The following SYNRG variants were observed in gnomAD, a reference collection of about 807,000 sequenced individuals.
The protein encoded by SYNRG is AP1 gamma subunit binding protein 1.
In SYNRG, 37 loss-of-function variants were observed where a neutral mutation model predicts 130.9. The ratio of observed to expected loss-of-function variants is 0.28; its 90% CI spans 0.22 to 0.37. The LOEUF is 0.37. SYNRG is among the 10% of genes least tolerant of loss of function. The pLI is 1.00. For synonymous variants in SYNRG, 539 were observed against 568.1 expected, an observed-to-expected ratio of 0.95 and a Z score of 0.73; for missense variants, 1,338 against 1,588.9, an observed-to-expected ratio of 0.84 and a Z score of 2.68.
chr17:37,560,677 T>G (rs1449038314), intron 13 of SYNRG, among the ~76,000 whole-genome samples: 1 of 150,882 alleles, frequency 6.6e-6, no homozygotes, highest in Non-Finnish European at 1.5e-5. Flanking sequence ...CTATTTTTTT[T>G]TTTTTTTTGA....
intron 2 of SYNRG, among the ~76,000 whole-genome samples, chr17:37,598,278 C>G (rs757741137): frequency 3.9e-5 from 6 of 152,098 alleles, no homozygotes; most frequent in Non-Finnish European, 7.4e-5. Flanking sequence ...AAAGTTTTAC[C>G]AACAGGGTAG....
chr17:37,533,926 C>CTTTTTTTTTTTTTTTTTTTTTTT (rs765621244), intron 19 of SYNRG, among the ~76,000 whole-genome samples: 1 of 57,790 alleles, frequency 1.7e-5, no homozygotes, highest in Non-Finnish European at 3.2e-5. Flanking sequence ...ATTTTCTTTT[C>CTTTTTTTTTTTTTTTTTTTTTTT]TTTTTTTTTT....
intron 3 of SYNRG, among the ~76,000 whole-genome samples, chr17:37,594,281 TTAATTA>T: frequency 6.8e-6 from 1 of 147,024 alleles, no homozygotes; most frequent in East Asian, 2.0e-4. Context: ...AATATTAATT[TTAATTA>T]TATTAATTAC....
chr17:37,547,438 G>A lies in SYNRG; in HGVS notation c.2609-4873C>T, dbSNP rs2058367477. Reference sequence around the variant, plus strand: ...TAGCACAGGTTTTTTGATATTGCCAGTGTTCCCTTCATGTTCATTTGCTGC... The same window carrying A: ...TAGCACAGGTTTTTTGATATTGCCAATGTTCCCTTCATGTTCATTTGCTGC... On this transcript the variant is annotated intron_variant, in intron 14 of 21. Coordinates refer to ENST00000612223, the MANE Select transcript of SYNRG (RefSeq NM_007247.6). Among the ~76,000 whole-genome samples, 3 of 151,196 alleles carry A rather than the reference G, an allele frequency of 2.0e-5. No individual in the cohort carries two copies. The South Asian group carries it at 6.3e-4, about 31-fold the overall frequency.
In SYNRG at chr17:37,553,997, C is replaced by T. The variant is rs1332268167; in HGVS notation, c.1726G>A (p.Ala576Thr). 1 of 1,608,552 alleles carries T rather than the reference C, an allele frequency of 6.2e-7. No individual in the cohort carries two copies. Among genetic ancestry groups the T allele is most frequent in the Non-Finnish European group, 8.5e-7 (1 of 1,178,868 alleles). ...GGCTCTAGTGGTGATACACTATCGG[C>T]TGTTTTAAAATCGGTGAAACCATCA... is the stretch of plus-strand genomic sequence containing the variant. ...TDDGFTDFKT[A>T]DSVSPLEPPT... The change falls in exon 14 of 22, where the codon GCC becomes ACC. Residue 576 changes from alanine to threonine, a missense_variant. Coordinates refer to ENST00000612223, the MANE Select transcript of SYNRG (RefSeq NM_007247.6).
chr17:37,527,389 C>A (rs2056067936), intron 19 of SYNRG, among the ~76,000 whole-genome samples: 1 of 152,282 alleles, frequency 6.6e-6, no homozygotes, highest in South Asian at 2.1e-4. Flanking sequence ...GTGAGTTTCA[C>A]CTCTTGAGAA....
At chr17:37,601,555 G>A (rs554043314) in intron 1 of SYNRG, among the ~76,000 whole-genome samples, 129 of 152,166 alleles carry the variant, frequency 8.5e-4, no homozygotes, top group Non-Finnish European at 1.4e-3. Context: ...TCCATTTCCA[G>A]AACCTTTCCA....
At chr17:37,525,254 C>A (rs1041467752) in intron 19 of SYNRG, among the ~76,000 whole-genome samples, 1 of 152,100 alleles carries the variant, frequency 6.6e-6, no homozygotes, top group African/African-American at 2.4e-5. Flanking sequence ...GTATTTCATG[C>A]ATTTAGTTAA....
chr17:37,571,914 C>G lies in SYNRG; in HGVS notation c.975G>C (p.Leu325=). The G allele has an allele frequency of 6.2e-7, 1 of 1,614,168 alleles. No homozygotes were observed. Among genetic ancestry groups the G allele is most frequent in the Non-Finnish European group, 8.5e-7 (1 of 1,180,026 alleles). ...GIDTAKLYPI[L]MSSGLPRETL... Reference sequence around the variant, plus strand: ...TTTCCCTGGGAAGCCCAGATGACATCAGAATGGGATACAGTTTGGCAGTAT... The same window carrying G: ...TTTCCCTGGGAAGCCCAGATGACATGAGAATGGGATACAGTTTGGCAGTAT... Residue 325 remains leucine (L), a synonymous_variant, in exon 9 of 22, where the codon CTG becomes CTC. Coordinates refer to ENST00000612223, the MANE Select transcript of SYNRG (RefSeq NM_007247.6).
At chr17:37,533,285 C>T (rs778433462) in intron 19 of SYNRG, among the ~76,000 whole-genome samples, 2 of 152,006 alleles carry the variant, frequency 1.3e-5, no homozygotes, top group African/African-American at 2.4e-5. Context: ...CCTGTAATCC[C>T]AGCTACTCAG....
At chr17:37,561,368 C>A in intron 12 of SYNRG, 103 bp downstream of exon 12, 1 of 1,407,392 alleles carries the variant, frequency 7.1e-7, no homozygotes, top group Non-Finnish European at 1.0e-6. Flanking sequence ...GGTATACAGG[C>A]ATTTTACATA....
chr17:37,570,583 T>G (rs531382610), intron 10 of SYNRG, 54 bp downstream of exon 10: 53 of 1,554,586 alleles, frequency 3.4e-5, no homozygotes, highest in Non-Finnish European at 3.9e-5. Flanking sequence ...GAAAAAATGG[T>G]GCCCAGATTC....
rs1172219247 is a variant in SYNRG at position 37,565,556 on chromosome 17, G to A, written c.1481+3235C>T. Among the ~76,000 whole-genome samples the A allele has an allele frequency of 2.0e-5, 3 of 151,388 alleles. No homozygotes were observed. In the East Asian group the frequency reaches 5.9e-4, roughly 30 times the overall value. On this transcript the variant is annotated intron_variant, in intron 11 of 21. Transcript: ENST00000612223. ...TGCCTGGCTGCCCAGTCTGGAAAGT[G>A]AGGAGCGTCTCCGCCCGGCCGCCAT...
At chr17:37,557,657 T>A (rs183773740) in intron 13 of SYNRG, among the ~76,000 whole-genome samples, 147 of 152,278 alleles carry the variant, frequency 9.7e-4, no homozygotes, top group African/African-American at 3.4e-3. Flanking sequence ...GCTGGAAAGA[T>A]TGCTTGAGGC....
chr17:37,529,843 C>T, intron 19 of SYNRG: 3 of 1,551,422 alleles, frequency 1.9e-6, no homozygotes, highest in Non-Finnish European at 2.6e-6. Flanking sequence ...TCATCTTTTC[C>T]CAGCAGCACT....
At chr17:37,561,288 G>C (rs555415558) in intron 12 of SYNRG, 31 bp from the exon 13 acceptor site, 1 of 1,605,850 alleles carries the variant, frequency 6.2e-7, no homozygotes, top group South Asian at 1.1e-5. Flanking sequence ...GCTCAGTTAA[G>C]GTTAGGAATC....
chr17:37,599,934 A>C (rs1017790121), intron 2 of SYNRG, among the ~76,000 whole-genome samples: 3 of 152,320 alleles, frequency 2.0e-5, no homozygotes, highest in East Asian at 3.9e-4. Context: ...TATTGTGCTG[A>C]ATCAACATGC....
intron 18 of SYNRG, 37 bp downstream of exon 18, chr17:37,538,287 G>A (rs775186627): frequency 2.1e-6 from 3 of 1,407,928 alleles, no homozygotes; most frequent in South Asian, 2.5e-5. Context: ...AATGCAAAGG[G>A]CCATCATTTT....
chr17:37,541,860 T>C (rs2057792158), intron 15 of SYNRG, 112 bp downstream of exon 15: 4 of 1,039,496 alleles, frequency 3.8e-6, no homozygotes, highest in South Asian at 1.6e-5. Context: ...TTTCAAAGAT[T>C]AGAACAATCT....
Sources: gnomAD v4.1 joint callset for allele counts (sites outside exome capture counted in the v4.1 genomes callset) on GRCh38, gnomAD v4.1.1 for gene constraint, MANE v1.5 for transcripts, NCBI Gene and HGNC (gene_info 2026-07-23, HGNC 2026-07-21) for gene names.